The following HS2ST1 variants were observed in gnomAD, a reference collection of about 807,000 sequenced individuals.
The protein encoded by HS2ST1 is heparan sulfate 2-O-sulfotransferase 1.
In HS2ST1, 18 loss-of-function variants were observed where a neutral mutation model predicts 42.9. The observed-to-expected ratio is 0.42, with a 90% CI of 0.29 to 0.62. The LOEUF is 0.62. Among genes scored for constraint, HS2ST1 ranks in the 20% least tolerant of loss-of-function variants. The pLI is 0.21. For synonymous variants in HS2ST1, 146 were observed against 152.9 expected (o/e 0.95, Z 0.33); for missense variants, 334 against 433.8 (o/e 0.77, Z 2.04).
At chr1:87,014,915 A>G (rs780104827) in intron 1 of HS2ST1, among the ~76,000 whole-genome samples, 4 of 152,248 alleles carry the variant, frequency 2.6e-5, no homozygotes, top group African/African-American at 9.6e-5. Context: ...ATTGTTTACT[A>G]TGACACAGGT....
intron 1 of HS2ST1, among the ~76,000 whole-genome samples, chr1:86,919,680 C>T (rs748162657): frequency 6.6e-6 from 1 of 152,160 alleles, no homozygotes; most frequent in Non-Finnish European, 1.5e-5. Flanking sequence ...ACATAACTTT[C>T]ATCAGATTTG....
At chr1:87,057,910 A>G (rs931662856) in intron 1 of HS2ST1, among the ~76,000 whole-genome samples, 5 of 151,852 alleles carry the variant, frequency 3.3e-5, no homozygotes, top group African/African-American at 4.9e-5. Context: ...AAACAAATAC[A>G]TCTGGGTGAA....
intron 1 of HS2ST1, among the ~76,000 whole-genome samples, chr1:87,014,114 C>CT (rs1376944396): frequency 2.6e-5 from 4 of 152,198 alleles, no homozygotes; most frequent in Non-Finnish European, 4.4e-5. Flanking sequence ...TTGTGGGTAT[C>CT]TTTACAACAG....
intron 3 of HS2ST1, among the ~76,000 whole-genome samples, chr1:87,091,063 CTTAT>C (rs1332239199): frequency 1.3e-5 from 2 of 151,886 alleles, no homozygotes; most frequent in Admixed American, 6.6e-5. Flanking sequence ...GTTATATATG[CTTAT>C]TTGTTTATTG....
intron 1 of HS2ST1, among the ~76,000 whole-genome samples, chr1:87,064,868 G>C (rs146087203): frequency 5.3e-4 from 81 of 152,248 alleles, no homozygotes; most frequent in African/African-American, 1.9e-3. Context: ...TTGCCGTGTT[G>C]CTCAGGCTGG....
At chr1:86,980,874 T>A (rs1054282417) in intron 1 of HS2ST1, among the ~76,000 whole-genome samples, 1 of 152,208 alleles carries the variant, frequency 6.6e-6, no homozygotes, top group Admixed American at 6.5e-5. Context: ...GAAAATTCAC[T>A]ATAGTTCTTT....
At chr1:87,005,878 A>G (rs4656134) in intron 1 of HS2ST1, among the ~76,000 whole-genome samples, 24,346 of 152,076 alleles carry the variant, frequency 0.16, 2,103 homozygotes, top group African/African-American at 0.23. Context: ...TTCTGTTAGT[A>G]TTTTGTGAGA....
At chr1:86,983,356 A>C (rs1199615963) in intron 1 of HS2ST1, among the ~76,000 whole-genome samples, 1 of 152,128 alleles carries the variant, frequency 6.6e-6, no homozygotes, top group East Asian at 1.9e-4. Context: ...AGGAAAATTA[A>C]AATCATGGCA....
At chr1:86,996,396 C>T (rs890331358) in intron 1 of HS2ST1, among the ~76,000 whole-genome samples, 3 of 144,800 alleles carry the variant, frequency 2.1e-5, no homozygotes, top group East Asian at 4.1e-4. Flanking sequence ...GAATTGAGAT[C>T]GTGCCATTGC....
intron 1 of HS2ST1, among the ~76,000 whole-genome samples, chr1:87,043,198 A>C (rs1419484004): frequency 6.6e-6 from 1 of 152,144 alleles, no homozygotes; most frequent in East Asian, 1.9e-4. Context: ...GATAATTTTA[A>C]GTACTGTTTG....
chr1:87,010,359 A>G (rs981432797), intron 1 of HS2ST1, among the ~76,000 whole-genome samples: 2 of 152,138 alleles, frequency 1.3e-5, no homozygotes, highest in Non-Finnish European at 2.9e-5. Flanking sequence ...TACATATTAT[A>G]GAATGTAATT....
chr1:87,074,832 C>T (rs1219084378), intron 2 of HS2ST1, among the ~76,000 whole-genome samples: 1 of 152,172 alleles, frequency 6.6e-6, no homozygotes, highest in Non-Finnish European at 1.5e-5. Flanking sequence ...TCAAAATTAT[C>T]AGCTGGTAGT....
intron 1 of HS2ST1, among the ~76,000 whole-genome samples, chr1:87,060,654 C>G (rs1651096858): frequency 6.6e-6 from 1 of 152,062 alleles, no homozygotes; most frequent in Non-Finnish European, 1.5e-5. Context: ...TTAGCTATTA[C>G]CAATACTATT....
At chr1:86,938,229 A>T (rs939760063) in intron 1 of HS2ST1, among the ~76,000 whole-genome samples, 2 of 152,146 alleles carry the variant, frequency 1.3e-5, no homozygotes, top group Non-Finnish European at 2.9e-5. Flanking sequence ...TTCTGTTTTA[A>T]ATTAATGAGA....
At chr1:86,961,620 ACAGT>A (rs1254699771) in intron 1 of HS2ST1, among the ~76,000 whole-genome samples, 1 of 152,190 alleles carries the variant, frequency 6.6e-6, no homozygotes, top group African/African-American at 2.4e-5. Context: ...AAATCACTTC[ACAGT>A]CAAATAATCA....
At chr1:86,953,905 G>A (rs1647595578) in intron 1 of HS2ST1, among the ~76,000 whole-genome samples, 1 of 151,942 alleles carries the variant, frequency 6.6e-6, no homozygotes, top group Admixed American at 6.6e-5. Flanking sequence ...AGCAGAGGGG[G>A]GAAAATGGGG....
intron 2 of HS2ST1, among the ~76,000 whole-genome samples, chr1:87,083,992 T>C (rs1034362293): frequency 1.3e-5 from 2 of 152,200 alleles, no homozygotes; most frequent in African/African-American, 4.8e-5. Context: ...TTTCACTCTT[T>C]TGTGAGTATA....
rs977784681 is a variant in HS2ST1, at chr1:87,098,284, T to G, written c.686+349T>G. ...CAAAGCTTACTGTTTTAGCTATTCA[T>G]GTTAAATTAAGAAAAGGCTTAGTGG... On this transcript the variant is annotated intron_variant, in intron 5 of 6. Coordinates refer to ENST00000370550, the MANE Select transcript of HS2ST1 (RefSeq NM_012262.4). The G allele has an allele frequency of 1.0e-5, 10 of 1,001,084 alleles. No individual in the cohort carries two copies. In the South Asian group the frequency reaches 1.3e-4, roughly 13 times the overall value. 62.0% of individuals were successfully genotyped at this position (1,001,084 alleles called of 1,614,324 possible). A position where few individuals can be genotyped will look rare whatever the true frequency, so the allele number is the denominator to read the frequency against.
intron 1 of HS2ST1, chr1:87,045,440 T>C: frequency 7.4e-7 from 1 of 1,350,828 alleles, no homozygotes; most frequent in African/African-American, 1.4e-5. Flanking sequence ...AGCAAATTTT[T>C]GTTTCACTAC....
Sources: gnomAD v4.1 joint callset for allele counts (sites outside exome capture counted in the v4.1 genomes callset) on GRCh38, gnomAD v4.1.1 for gene constraint, MANE v1.5 for transcripts, NCBI Gene and HGNC (gene_info 2026-07-23, HGNC 2026-07-21) for gene names.